SLC24A2: variants seen among roughly 807,000 people sequenced by gnomAD.
SLC24A2 encodes sodium/potassium/calcium exchanger 2.
A neutral mutation model predicts 62.0 loss-of-function variants in SLC24A2; 36 were observed. The ratio of observed to expected loss-of-function variants is 0.58; its 90% CI spans 0.44 to 0.77. The LOEUF (loss-of-function observed/expected upper bound fraction) is 0.77. Among genes scored for constraint, SLC24A2 ranks in the 30% least tolerant of loss-of-function variants. The pLI is 0.00. For synonymous variants in SLC24A2, 358 were observed against 294.0 expected, an observed-to-expected ratio of 1.22 and a Z score of -2.23; for missense variants, 846 against 817.9, an observed-to-expected ratio of 1.03 and a Z score of -0.42.
intron 2 of SLC24A2, among the ~76,000 whole-genome samples, chr9:19,636,969 A>C (rs1190173378): frequency 6.6e-6 from 1 of 152,216 alleles, no homozygotes; most frequent in African/African-American, 2.4e-5. Flanking sequence ...AATTGGAATA[A>C]TTATTTGGAA....
At chr9:19,957,526 T>A in the SLC24A2 span, 2 of 152,194 alleles carry the variant, frequency 1.3e-5, no homozygotes, top group East Asian at 3.9e-4. Flanking sequence ...CATAGGTCAG[T>A]TCCACTGGGA....
At chr9:20,092,527 C>T in the SLC24A2 span, among the ~76,000 whole-genome samples, 56 of 152,238 alleles carry the variant, frequency 3.7e-4, no homozygotes, top group Middle Eastern at 6.8e-3. Context: ...TGGACACCTC[C>T]GCTACAATAT....
chr9:19,603,162 A>T (rs1338618202), intron 4 of SLC24A2, among the ~76,000 whole-genome samples: 2 of 151,204 alleles, frequency 1.3e-5, no homozygotes, highest in African/African-American at 4.9e-5. Context: ...ATGTGTTCTT[A>T]ATTTTTTGTG....
chr9:20,160,606 TAATA>T, the SLC24A2 span, among the ~76,000 whole-genome samples: 1 of 151,324 alleles, frequency 6.6e-6, no homozygotes, highest in Non-Finnish European at 1.5e-5. Flanking sequence ...TATCAATTAT[TAATA>T]AATCAAAAAA....
the SLC24A2 span, chr9:19,927,061 G>A: frequency 3.9e-5 from 6 of 152,314 alleles, no homozygotes; most frequent in African/African-American, 1.4e-4. Context: ...GGAGACTCCA[G>A]AGCTGCATTT....
chr9:20,209,801 G>A, the SLC24A2 span, among the ~76,000 whole-genome samples: 2 of 152,140 alleles, frequency 1.3e-5, no homozygotes, highest in Non-Finnish European at 2.9e-5. Context: ...CAGTGGAACA[G>A]GAATCAATAG....
At chr9:20,305,813 G>T in the SLC24A2 span, among the ~76,000 whole-genome samples, 55 of 152,114 alleles carry the variant, frequency 3.6e-4, no homozygotes, top group Non-Finnish European at 7.2e-4. Flanking sequence ...CCATAGACTG[G>T]GCAGCTTCAA....
the SLC24A2 span, among the ~76,000 whole-genome samples, chr9:20,129,980 C>G: frequency 2.4e-5 from 3 of 125,012 alleles, no homozygotes; most frequent in Non-Finnish European, 5.5e-5. Context: ...TTAAGATTTC[C>G]TAGAAGGTAG....
the SLC24A2 span, among the ~76,000 whole-genome samples, chr9:20,272,049 G>A: frequency 6.6e-6 from 1 of 152,142 alleles, no homozygotes; most frequent in Non-Finnish European, 1.5e-5. Context: ...GTGGTTTAGG[G>A]TCAGGAAGGA....
At chr9:19,550,916 T>C (rs1834812485) in intron 7 of SLC24A2, among the ~76,000 whole-genome samples, 1 of 152,158 alleles carries the variant, frequency 6.6e-6, no homozygotes, top group Non-Finnish European at 1.5e-5. Context: ...GAATGTGTAA[T>C]GATCAAGTCA....
intron 8 of SLC24A2, among the ~76,000 whole-genome samples, chr9:19,538,312 C>T (rs1477495775): frequency 2.7e-5 from 4 of 146,496 alleles, no homozygotes; most frequent in Admixed American, 6.8e-5. Flanking sequence ...CCAGTTTTTG[C>T]CCATTCGGTA....
At chr9:20,165,495 T>A in the SLC24A2 span, among the ~76,000 whole-genome samples, 1 of 151,872 alleles carries the variant, frequency 6.6e-6, no homozygotes, top group Admixed American at 6.6e-5. Context: ...CAGAGCACTC[T>A]AATGTGGATA....
At chr9:19,727,429 T>A (rs1158933145) in intron 2 of SLC24A2, among the ~76,000 whole-genome samples, 1 of 152,288 alleles carries the variant, frequency 6.6e-6, no homozygotes, top group Non-Finnish European at 1.5e-5. Flanking sequence ...TTTTTCCCCA[T>A]AGCATTTTGC....
chr9:20,122,337 A>C, the SLC24A2 span, among the ~76,000 whole-genome samples: 1 of 152,218 alleles, frequency 6.6e-6, no homozygotes, highest in South Asian at 2.1e-4. Context: ...AAGGGAAAGC[A>C]GTTGATTGCA....
chr9:20,234,077 A>C, the SLC24A2 span, among the ~76,000 whole-genome samples: 1 of 152,136 alleles, frequency 6.6e-6, no homozygotes, highest in Non-Finnish European at 1.5e-5. Flanking sequence ...TGGCTTGGAG[A>C]GTTTCTGCCA....
chr9:19,836,134 A>G, the SLC24A2 span, among the ~76,000 whole-genome samples: 16 of 152,338 alleles, frequency 1.1e-4, no homozygotes, highest in South Asian at 2.5e-3. Flanking sequence ...GGAAAGATCT[A>G]AAATTGACAC....
chr9:19,801,478 C>T, the SLC24A2 span, among the ~76,000 whole-genome samples: 3 of 152,160 alleles, frequency 2.0e-5, no homozygotes, highest in East Asian at 3.9e-4. Flanking sequence ...ATAACAAACA[C>T]GGACCAGAAG....
At chr9:19,541,925 C>G (rs1407094386) in intron 8 of SLC24A2, among the ~76,000 whole-genome samples, 1 of 152,208 alleles carries the variant, frequency 6.6e-6, no homozygotes, top group Non-Finnish European at 1.5e-5. Context: ...GTTTTTCAAG[C>G]CGGTCTGAAA....
chr9:20,265,243 G>A, the SLC24A2 span, among the ~76,000 whole-genome samples: 6 of 152,184 alleles, frequency 3.9e-5, no homozygotes, highest in African/African-American at 1.4e-4. Flanking sequence ...TCTACTGTGT[G>A]GATTCCTGGT....
Sources: allele counts gnomAD v4.1 joint callset (sites outside exome capture counted in the v4.1 genomes callset), GRCh38; gene constraint gnomAD v4.1.1; transcripts MANE v1.5; gene names NCBI Gene and HGNC (gene_info 2026-07-23, HGNC 2026-07-21).